CNOT10: variants seen among roughly 807,000 people sequenced by gnomAD.
CNOT10 encodes the protein CCR4-NOT transcription complex, subunit 10.
In CNOT10, 30 loss-of-function variants were observed where a neutral mutation model predicts 94.6. The observed-to-expected ratio is 0.32, with a 90% CI of 0.24 to 0.43. The LOEUF (loss-of-function observed/expected upper bound fraction) is 0.43. CNOT10 is among the 20% of genes least tolerant of loss of function. The pLI, the probability that CNOT10 is intolerant of heterozygous loss-of-function variation, is 1.00. For synonymous variants in CNOT10, 289 were observed against 301.6 expected (o/e 0.96, Z 0.43); for missense variants, 759 against 877.2 (o/e 0.87, Z 1.70).
chr3:32,733,569 GTATA>G (rs1699049277), intron 11 of CNOT10, 25 bp downstream of exon 11: 1 of 1,407,778 alleles, frequency 7.1e-7, no homozygotes, highest in Non-Finnish European at 9.7e-7. Context: ...AAGAAAAAGT[GTATA>G]TATATTTAAT....
chr3:32,744,196 C>T (rs1374501440), intron 13 of CNOT10, among the ~76,000 whole-genome samples: 1 of 152,174 alleles, frequency 6.6e-6, no homozygotes. Flanking sequence ...TCTAAGGAGC[C>T]TGAGCACTGT....
chr3:32,746,499 C>T (rs1285989751), intron 13 of CNOT10, among the ~76,000 whole-genome samples: 1 of 152,074 alleles, frequency 6.6e-6, no homozygotes, highest in East Asian at 1.9e-4. Context: ...GATTCTCATA[C>T]GGAGCACACA....
chr3:32,699,309 T>A (rs191235546), intron 1 of CNOT10, among the ~76,000 whole-genome samples: 201 of 152,362 alleles, frequency 1.3e-3, no homozygotes, highest in Non-Finnish European at 2.3e-3. Flanking sequence ...GTTGTAAATA[T>A]TTTTCCACAT....
chr3:32,713,476 G>T, intron 5 of CNOT10, 107 bp downstream of exon 5: 1 of 877,976 alleles, frequency 1.1e-6, no homozygotes, highest in Non-Finnish European at 1.7e-6. Context: ...ATTAATGTTT[G>T]TGGTTATGAA....
At chr3:32,693,006 C>T (rs1015749481) in intron 1 of CNOT10, among the ~76,000 whole-genome samples, 32 of 152,180 alleles carry the variant, frequency 2.1e-4, no homozygotes, top group African/African-American at 7.5e-4. Context: ...ATCACAGCAC[C>T]GCACTCTAGC....
At chr3:32,768,998 A>G (rs1700781742) in intron 17 of CNOT10, 1 of 152,218 alleles carries the variant, frequency 6.6e-6, no homozygotes, top group Non-Finnish European at 1.5e-5. Context: ...TTCACAGCAC[A>G]TTCACTGCCT....
intron 13 of CNOT10, among the ~76,000 whole-genome samples, chr3:32,743,026 C>T (rs201281183): frequency 0.021 from 3,154 of 147,660 alleles, 50 homozygotes; most frequent in East Asian, 0.044. Flanking sequence ...TGCCCTTGTT[C>T]CCCAGGCTGG....
chr3:32,759,130 AGTGTGTGT>A lies in CNOT10; in HGVS notation c.1596-311_1596-304del, dbSNP rs10601347. On this transcript the variant is annotated intron_variant, in intron 13 of 18. Coordinates refer to ENST00000328834, the MANE Select transcript of CNOT10 (RefSeq NM_015442.3). ...AGTTCTCATTAGGCTATATATATAT[AGTGTGTGT>A]GTGTGTGTGTGTGTGTATTTATCTA... Among the ~76,000 whole-genome samples, 107 of 149,634 alleles carry A rather than the reference AGTGTGTGT, an allele frequency of 7.2e-4. 1 individual carries two copies. In the East Asian group the frequency reaches 0.018, roughly 25 times the overall value.
intron 13 of CNOT10, 99 bp downstream of exon 13, chr3:32,737,589 C>A: frequency 1.5e-6 from 1 of 688,070 alleles, no homozygotes; most frequent in Non-Finnish European, 2.4e-6. Context: ...CTTTGGGAGG[C>A]CGAGGCTGGT....
chr3:32,754,483 A>AT lies in CNOT10; in HGVS notation c.1596-4975_1596-4974insT, dbSNP rs1393800228. Reference sequence around the variant, plus strand: ...CAGAGCAAGACTCCGTCTCAAAAAAAAAAAAAATACATATATATATATATA... The same window carrying AT: ...CAGAGCAAGACTCCGTCTCAAAAAAATAAAAAAATACATATATATATATATA... On this transcript the variant is annotated intron_variant, in intron 13 of 18. Transcript: ENST00000328834. 5.2e-5 allele frequency among the ~76,000 whole-genome samples: 2 copies of AT among 38,196 alleles called. 1 individual carries two copies. The highest frequency in any genetic ancestry group is 2.1e-4 in the African/African-American group (2 of 9,438). 25.1% of individuals were successfully genotyped at this position (38,196 alleles called of 152,430 possible).
At chr3:32,693,371 C>T (rs988760476) in intron 1 of CNOT10, 2 of 151,796 alleles carry the variant, frequency 1.3e-5, no homozygotes, top group African/African-American at 4.8e-5. Flanking sequence ...TACATGCCAC[C>T]ACACCTGGCC....
At chr3:32,736,391 A>G (rs1313510659) in intron 12 of CNOT10, among the ~76,000 whole-genome samples, 12 of 151,990 alleles carry the variant, frequency 7.9e-5, no homozygotes, top group Non-Finnish European at 2.9e-5. Flanking sequence ...CCAGCTGGAA[A>G]TTCTGCTTTT....
rs765265834 is a variant in CNOT10, at chr3:32,769,896, A to G, written c.2014A>G (p.Met672Val). The G allele has an allele frequency of 6.8e-6, 11 of 1,613,820 alleles. No individual in the cohort carries two copies. In the African/African-American group the frequency reaches 8.0e-5, roughly 12 times the overall value. The stretch of plus-strand genomic sequence containing the variant: ...TCTGTTTTGAGCAAAGGCGGCTTCA[A>G]TGATCCATCCTAAAGAGGTGCCCCC... Reference protein sequence around the residue: ...ARKCLHQAASMIHPKEVPPEA... With the variant: ...ARKCLHQAASVIHPKEVPPEA... Residue 672 changes from methionine (M) to valine (V), a missense_variant, in exon 18 of 19, where the codon ATG (methionine) becomes GTG (valine). Met to Val is a conservative substitution (Grantham distance 21, BLOSUM62 1). Coordinates refer to ENST00000328834, the MANE Select transcript of CNOT10 (RefSeq NM_015442.3).
intron 13 of CNOT10, among the ~76,000 whole-genome samples, chr3:32,754,489 A>AAATATATATATATATATAT (rs77878221): frequency 4.3e-5 from 3 of 70,204 alleles, no homozygotes; most frequent in African/African-American, 2.3e-4. Flanking sequence ...AAAAAAAAAA[A>AAATATATATATATATATAT]ATACATATAT....
At chr3:32,764,641 G>A (rs1700589572) in intron 16 of CNOT10, 41 bp from the exon 17 acceptor site, 1 of 1,609,206 alleles carries the variant, frequency 6.2e-7, no homozygotes, top group Non-Finnish European at 8.5e-7. Context: ...CCTTGCTGTT[G>A]GCACGGCCTC....
chr3:32,731,715 G>A (rs567106153), intron 10 of CNOT10, among the ~76,000 whole-genome samples: 4 of 152,074 alleles, frequency 2.6e-5, no homozygotes, highest in East Asian at 1.9e-4. Context: ...GGGCTCTAGC[G>A]ATCCACCCGC....
chr3:32,762,822 CT>C lies in CNOT10; in HGVS notation c.1800del (p.Asp601MetfsTer4). ...ACTCACTTGAACCCGGAGAATGTCA[CT>C]GATGTCTCCTTAGGGATCTCTTCAA... ...AITHLNPENV[T>X]DVSLGISSNE... On this transcript the variant is annotated frameshift_variant, in exon 15 of 19. Transcript: ENST00000328834. LOFTEE classifies it high-confidence loss of function. 6.3e-7 allele frequency: 1 copy of C among 1,585,340 alleles called. No homozygotes were observed. The highest frequency in any genetic ancestry group is 8.5e-7 in the Non-Finnish European group (1 of 1,171,550).
At chr3:32,694,760 T>C (rs1160211898) in intron 1 of CNOT10, among the ~76,000 whole-genome samples, 1 of 152,106 alleles carries the variant, frequency 6.6e-6, no homozygotes, top group Non-Finnish European at 1.5e-5. Context: ...CAGCTAATTT[T>C]TGTATTTTTA....
At chr3:32,727,618 A>T in intron 9 of CNOT10, 50 bp from the exon 10 acceptor site, 1 of 1,176,666 alleles carries the variant, frequency 8.5e-7, no homozygotes, top group Non-Finnish European at 1.3e-6. Flanking sequence ...TTTCAAGGTT[A>T]CTATTACTGT....
Sources: allele counts gnomAD v4.1 joint callset (sites outside exome capture counted in the v4.1 genomes callset), GRCh38; gene constraint gnomAD v4.1.1; transcripts MANE v1.5; gene names NCBI Gene and HGNC (gene_info 2026-07-23, HGNC 2026-07-21).